PTPRO: variants seen among roughly 807,000 people sequenced by gnomAD.
PTPRO encodes protein tyrosine phosphatase receptor type O, also known as receptor-type tyrosine-protein phosphatase O.
In PTPRO, 62 loss-of-function variants were observed where a neutral mutation model predicts 145.2. The observed-to-expected ratio is 0.43, with a 90% CI of 0.35 to 0.53. The LOEUF (loss-of-function observed/expected upper bound fraction) is 0.53. Among genes scored for constraint, PTPRO ranks in the 20% least tolerant of loss-of-function variants. PTPRO has a pLI of 0.01. For missense variants in PTPRO, 1,345 were observed against 1,482.7 expected, an observed-to-expected ratio of 0.91 and a Z score of 1.53; for synonymous variants, 565 against 514.7, an observed-to-expected ratio of 1.10 and a Z score of -1.32.
At chr12:15,475,488 A>T (rs1427572759) in intron 1 of PTPRO, among the ~76,000 whole-genome samples, 2 of 152,206 alleles carry the variant, frequency 1.3e-5, no homozygotes, top group Non-Finnish European at 2.9e-5. Flanking sequence ...TATGTATATG[A>T]TTTCTATTTA....
At chr12:15,440,467 C>T in intron 1 of PTPRO, 1 of 207,008 alleles carries the variant, frequency 4.8e-6, no homozygotes, top group East Asian at 1.5e-4. Flanking sequence ...GCTCATCAGT[C>T]TGCTGTGTTC....
In PTPRO at chr12:15,546,258, G is replaced by A. The variant is rs547688026; in HGVS notation, c.2165-311G>A. The A allele has an allele frequency of 4.1e-6, 4 of 983,970 alleles. No individual in the cohort carries two copies. In the South Asian group the frequency reaches 8.0e-5, roughly 20 times the overall value. 61.0% of individuals were successfully genotyped at this position (983,970 alleles called of 1,614,324 possible). A position where few individuals can be genotyped will look rare whatever the true frequency, so the allele number is the denominator to read the frequency against. ...ATCCAGGAAGTTCTGTATTATCAGG[G>A]CAATGCTAACTTCAGTATAAATGAC... On this transcript the variant is annotated intron_variant, in intron 12 of 26. Transcript: ENST00000281171.
At chr12:15,380,618 T>C (rs1449210251) in intron 1 of PTPRO, among the ~76,000 whole-genome samples, 1 of 152,214 alleles carries the variant, frequency 6.6e-6, no homozygotes, top group African/African-American at 2.4e-5. Flanking sequence ...GGAATTTTGC[T>C]AGTGGCCCAC....
At chr12:15,435,090 A>G (rs1940558381) in intron 1 of PTPRO, among the ~76,000 whole-genome samples, 1 of 152,176 alleles carries the variant, frequency 6.6e-6, no homozygotes, top group Admixed American at 6.5e-5. Context: ...AGAAGATCTG[A>G]CAAACCTATT....
Position 15,525,343 on chromosome 12 carries a change from G to A in PTPRO, c.2043+378G>A, listed in dbSNP as rs139337872. Among the ~76,000 whole-genome samples the A allele has an allele frequency of 8.5e-5, 13 of 152,154 alleles. No individual in the cohort carries two copies. In the East Asian group the frequency reaches 9.6e-4, roughly 11 times the overall value. On this transcript the variant is annotated intron_variant, in intron 11 of 26. Transcript: ENST00000281171. ...TACTGATTTCTTTTCTCCAAAATAC[G>A]CTTTTGGATGTTTATTGATAAGGGG...
chr12:15,584,886 T>C (rs1944398110), intron 23 of PTPRO, among the ~76,000 whole-genome samples: 1 of 152,150 alleles, frequency 6.6e-6, no homozygotes, highest in African/African-American at 2.4e-5. Flanking sequence ...AGAAGAGTTT[T>C]CTCCTTTAAC....
intron 1 of PTPRO, among the ~76,000 whole-genome samples, chr12:15,324,901 A>G (rs1015816586): frequency 1.3e-5 from 2 of 152,228 alleles, no homozygotes; most frequent in African/African-American, 4.8e-5. Context: ...GGCACATGGT[A>G]TAATCTCTTT....
intron 1 of PTPRO, among the ~76,000 whole-genome samples, chr12:15,466,207 C>A (rs1393712049): frequency 1.3e-5 from 2 of 151,850 alleles, no homozygotes; most frequent in Non-Finnish European, 2.9e-5. Flanking sequence ...TAACAAAATC[C>A]TGTTCCACTA....
intron 1 of PTPRO, among the ~76,000 whole-genome samples, chr12:15,360,514 A>G (rs903267191): frequency 6.6e-6 from 1 of 152,106 alleles, no homozygotes. Flanking sequence ...ACAACAACAA[A>G]AAGCCAAGAA....
intron 24 of PTPRO, among the ~76,000 whole-genome samples, chr12:15,587,379 C>T (rs1414527740): frequency 6.6e-6 from 1 of 152,206 alleles, no homozygotes; most frequent in African/African-American, 2.4e-5. Flanking sequence ...CTGCAAAGAT[C>T]ATGCCCTTAA....
At chr12:15,357,861 T>C (rs1938045957) in intron 1 of PTPRO, among the ~76,000 whole-genome samples, 1 of 149,308 alleles carries the variant, frequency 6.7e-6, no homozygotes, top group Non-Finnish European at 1.5e-5. Flanking sequence ...AGAAATACCA[T>C]TTGACCCAGC....
At chr12:15,374,392 T>G (rs965238835) in intron 1 of PTPRO, among the ~76,000 whole-genome samples, 2 of 147,976 alleles carry the variant, frequency 1.4e-5, no homozygotes, top group African/African-American at 5.3e-5. Flanking sequence ...TGTAACAATT[T>G]GAGGAGTGTT....
At chr12:15,396,435 C>A (rs201013696) in intron 1 of PTPRO, among the ~76,000 whole-genome samples, 1 of 150,996 alleles carries the variant, frequency 6.6e-6, no homozygotes, top group East Asian at 1.9e-4. Flanking sequence ...TTAAAAGTTA[C>A]TAAATTACAA....
intron 1 of PTPRO, among the ~76,000 whole-genome samples, chr12:15,429,064 A>G (rs1940361032): frequency 6.6e-6 from 1 of 152,166 alleles, no homozygotes; most frequent in Non-Finnish European, 1.5e-5. Flanking sequence ...TTATTGTAGA[A>G]ATTGGATATT....
At chr12:15,334,827 T>A (rs1234626310) in intron 1 of PTPRO, among the ~76,000 whole-genome samples, 2 of 152,130 alleles carry the variant, frequency 1.3e-5, no homozygotes, top group African/African-American at 4.8e-5. Flanking sequence ...ATAGCATTAA[T>A]AATTCTTTAA....
intron 1 of PTPRO, among the ~76,000 whole-genome samples, chr12:15,409,318 G>A (rs976380186): frequency 6.6e-5 from 10 of 152,108 alleles, no homozygotes; most frequent in Non-Finnish European, 1.5e-4. Flanking sequence ...TCATATGTTG[G>A]TCCCGTCTGC....
chr12:15,396,482 C>G (rs982005023), intron 1 of PTPRO, among the ~76,000 whole-genome samples: 1 of 152,036 alleles, frequency 6.6e-6, no homozygotes, highest in Non-Finnish European at 1.5e-5. Flanking sequence ...AAAAATTGCT[C>G]TAACTCAGCC....
chr12:15,465,571 A>G (rs1941397625), intron 1 of PTPRO, among the ~76,000 whole-genome samples: 1 of 152,246 alleles, frequency 6.6e-6, no homozygotes, highest in Admixed American at 6.5e-5. Flanking sequence ...AGATTCAGAC[A>G]GAAGGTTGTG....
At chr12:15,507,227 A>G (rs1942338269) in intron 6 of PTPRO, among the ~76,000 whole-genome samples, 2 of 152,088 alleles carry the variant, frequency 1.3e-5, no homozygotes, top group Admixed American at 1.3e-4. Context: ...AGCCTGGCCA[A>G]CATGGTGAAA....
Sources: allele counts gnomAD v4.1 joint callset (sites outside exome capture counted in the v4.1 genomes callset), GRCh38; gene constraint gnomAD v4.1.1; transcripts MANE v1.5; gene names NCBI Gene and HGNC (gene_info 2026-07-23, HGNC 2026-07-21).